GREB1L: variants seen among roughly 807,000 people sequenced by gnomAD.
GREB1L encodes the protein GREB1 like retinoic acid receptor coactivator.
A neutral mutation model predicts 200.8 loss-of-function variants in GREB1L; 17 were observed. The observed-to-expected ratio is 0.08, with a 90% CI of 0.06 to 0.13. GREB1L has a LOEUF of 0.13. Among genes scored for constraint, GREB1L ranks in the 10% least tolerant of loss-of-function variants. GREB1L has a pLI of 1.00. For missense variants in GREB1L, 1,657 were observed against 2,367.7 expected, an observed-to-expected ratio of 0.70 and a Z score of 6.23; for synonymous variants, 789 against 893.0, an observed-to-expected ratio of 0.88 and a Z score of 2.08.
At position 21,513,812 on chromosome 18, in the gene GREB1L, G is replaced by A. The variant is rs141211085; in HGVS notation, c.4736-9G>A. Reference sequence around the variant, plus strand: ...GTGGATATGCAGATGTGGTTATGTTGCCTTCCAGGTGCTGCCAGGTTCCTC... The same window carrying A: ...GTGGATATGCAGATGTGGTTATGTTACCTTCCAGGTGCTGCCAGGTTCCTC... On this transcript the variant is annotated splice_polypyrimidine_tract_variant and intron_variant, in intron 27 of 32. Coordinates refer to ENST00000424526, the MANE Select transcript of GREB1L (RefSeq NM_001142966.3). The A allele has an allele frequency of 5.3e-4, 817 of 1,550,580 alleles. 4 individuals are homozygous for A. The African/African-American group carries it at 0.01, about 20-fold the overall frequency.
At chr18:21,510,540 A>G (rs2037197562) in intron 27 of GREB1L, among the ~76,000 whole-genome samples, 1 of 152,226 alleles carries the variant, frequency 6.6e-6, no homozygotes, top group African/African-American at 2.4e-5. Context: ...TTAAAGGCTG[A>G]ATAATATTCC....
In GREB1L at chr18:21,516,634, C is replaced by T; in HGVS notation, c.5151C>T (p.Asp1717=). The stretch of plus-strand genomic sequence containing the variant: ...TTAGGTATTTCTGTGAAGATGCTGA[C>T]TTTAATCTGAGAACAAACAGTAGTG... ...DFNRYFCEDA[D]FNLRTNSSGL... Residue 1717 remains aspartate, a synonymous_variant, in exon 30 of 33, where the codon GAC becomes GAT. Transcript: ENST00000424526. The T allele has an allele frequency of 6.4e-7, 1 of 1,551,538 alleles. No individual in the cohort carries two copies. Among genetic ancestry groups the T allele is most frequent in the South Asian group, 1.2e-5 (1 of 84,056 alleles).
intron 1 of GREB1L, among the ~76,000 whole-genome samples, chr18:21,338,156 A>G (rs2039216599): frequency 6.6e-6 from 1 of 152,078 alleles, no homozygotes; most frequent in African/African-American, 2.4e-5. Flanking sequence ...AGGGCTGCCT[A>G]TTTTCTTAAT....
At chr18:21,440,128 T>A in intron 8 of GREB1L, 141 bp from the exon 9 acceptor site, 1 of 833,652 alleles carries the variant, frequency 1.2e-6, no homozygotes, top group Non-Finnish European at 1.8e-6. Flanking sequence ...AAACTTTACC[T>A]CTAAAGGAGT....
At chr18:21,481,469 GTGTGTGTGTATATA>G (rs1679482620) in intron 17 of GREB1L, among the ~76,000 whole-genome samples, 2 of 108,640 alleles carry the variant, frequency 1.8e-5, no homozygotes, top group Admixed American at 2.0e-4. Context: ...GTGTGTGTGT[GTGTGTGTGTATATA>G]TATATATATA....
intron 2 of GREB1L, among the ~76,000 whole-genome samples, chr18:21,366,420 G>A (rs2039682137): frequency 6.6e-6 from 1 of 151,684 alleles, no homozygotes; most frequent in South Asian, 2.1e-4. Flanking sequence ...TGTTGATTAT[G>A]ATTTTATGCT....
intron 1 of GREB1L, among the ~76,000 whole-genome samples, chr18:21,295,318 C>A (rs2038509852): frequency 6.6e-6 from 1 of 151,282 alleles, no homozygotes; most frequent in African/African-American, 2.5e-5. Flanking sequence ...ACATCTTAAC[C>A]TAAAGGTCAT....
In GREB1L at chr18:21,477,154, T is replaced by A; in HGVS notation, c.2364-10T>A. 6.5e-7 allele frequency: 1 copy of A among 1,543,292 alleles called. No individual in the cohort carries two copies. Among genetic ancestry groups the A allele is most frequent in the Non-Finnish European group, 8.8e-7 (1 of 1,140,646 alleles). ...ATGAGGTATTAATATGACTTTCAAT[T>A]TTTCTACAGTGTCATTTCAGGCTCT... is the stretch of plus-strand genomic sequence containing the variant. On this transcript the variant is annotated splice_polypyrimidine_tract_variant and intron_variant, in intron 16 of 32. Transcript: ENST00000424526.
intron 7 of GREB1L, among the ~76,000 whole-genome samples, chr18:21,411,055 A>G (rs2030941727): frequency 6.6e-6 from 1 of 152,228 alleles, no homozygotes; most frequent in South Asian, 2.1e-4. Context: ...CAGGCACTTC[A>G]CAAAAGAGAA....
At chr18:21,361,202 T>C (rs556453123) in intron 1 of GREB1L, among the ~76,000 whole-genome samples, 2 of 152,320 alleles carry the variant, frequency 1.3e-5, no homozygotes, top group South Asian at 4.1e-4. Flanking sequence ...GCTTGTGAAG[T>C]TCCGATAACG....
At chr18:21,295,188 G>A (rs1598637007) in intron 1 of GREB1L, among the ~76,000 whole-genome samples, 2 of 152,252 alleles carry the variant, frequency 1.3e-5, no homozygotes, top group East Asian at 1.9e-4. Context: ...TAGGGAATTC[G>A]TCAGTTAAAT....
intron 2 of GREB1L, among the ~76,000 whole-genome samples, chr18:21,371,295 G>A (rs1383516137): frequency 6.6e-6 from 1 of 151,836 alleles, no homozygotes; most frequent in Non-Finnish European, 1.5e-5. Flanking sequence ...ATATATGATT[G>A]TACAATTTCT....
intron 30 of GREB1L, among the ~76,000 whole-genome samples, chr18:21,517,060 G>A (rs985997972): frequency 1.3e-5 from 2 of 152,016 alleles, no homozygotes; most frequent in Admixed American, 6.5e-5. Context: ...TTTTAGTAGA[G>A]ATGGGGTTTC....
chr18:21,416,172 A>G (rs1203972682), intron 7 of GREB1L, among the ~76,000 whole-genome samples: 3 of 152,130 alleles, frequency 2.0e-5, no homozygotes, highest in Non-Finnish European at 4.4e-5. Context: ...AGCACTCTGG[A>G]TGGGATTAAC....
chr18:21,518,010 T>A, intron 30 of GREB1L, 24 bp from the exon 31 acceptor site: 1 of 1,537,394 alleles, frequency 6.5e-7, no homozygotes, highest in Non-Finnish European at 8.8e-7. Context: ...AAGTTTCCCA[T>A]GATCATCTCG....
At chr18:21,466,237 C>T (rs1216966340) in intron 15 of GREB1L, among the ~76,000 whole-genome samples, 1 of 151,984 alleles carries the variant, frequency 6.6e-6, no homozygotes, top group African/African-American at 2.4e-5. Context: ...TTTTTTGATT[C>T]CTTCAAACAG....
intron 1 of GREB1L, among the ~76,000 whole-genome samples, chr18:21,268,382 C>T (rs2038006191): frequency 1.3e-5 from 2 of 150,968 alleles, no homozygotes; most frequent in South Asian, 2.1e-4. Context: ...ACAGTACACA[C>T]CGTAGGTGGG....
chr18:21,363,435 GA>G (rs2039612278), intron 1 of GREB1L, among the ~76,000 whole-genome samples: 1 of 151,942 alleles, frequency 6.6e-6, no homozygotes, highest in Non-Finnish European at 1.5e-5. Context: ...GATTGTGTCA[GA>G]TTTTTTTTGT....
At chr18:21,376,789 A>G (rs1477804975) in intron 2 of GREB1L, among the ~76,000 whole-genome samples, 3 of 141,604 alleles carry the variant, frequency 2.1e-5, no homozygotes, top group Non-Finnish European at 3.0e-5. Flanking sequence ...TGGGCAACAG[A>G]GCGAGACTCT....
Sources: gnomAD v4.1 joint callset for allele counts (sites outside exome capture counted in the v4.1 genomes callset) on GRCh38, gnomAD v4.1.1 for gene constraint, MANE v1.5 for transcripts, NCBI Gene and HGNC (gene_info 2026-07-23, HGNC 2026-07-21) for gene names.